Variants in EXOC6 observed in about 807,000 individuals in gnomAD.
EXOC6 encodes SEC15-like 1.
Under a neutral mutation model 112.5 loss-of-function variants are expected in EXOC6, and 60 were observed. The observed-to-expected ratio is 0.53, with a 90% CI of 0.43 to 0.66. The LOEUF (loss-of-function observed/expected upper bound fraction) is 0.66. Ranked by LOEUF, EXOC6 falls within the 30% of genes least tolerant of loss-of-function variation. The pLI, the probability that EXOC6 is intolerant of heterozygous loss-of-function variation, is 0.00. For synonymous variants in EXOC6, 295 were observed against 308.0 expected (o/e 0.96, Z 0.44); for missense variants, 855 against 957.1 (o/e 0.89, Z 1.41).
intron 18 of EXOC6, among the ~76,000 whole-genome samples, chr10:92,996,224 A>G (rs1457811668): frequency 6.6e-6 from 1 of 152,236 alleles, no homozygotes; most frequent in East Asian, 1.9e-4. Context: ...ATCCTATCAT[A>G]GTAGTCATTC....
rs115970431 is a variant in EXOC6, at chr10:92,921,217, T to C, written c.888+1167T>C. 5.3e-3 allele frequency among the ~76,000 whole-genome samples: 804 copies of C among 151,920 alleles called. 6 individuals are homozygous for C. Among genetic ancestry groups the C allele is most frequent in the African/African-American group, 0.016 (660 of 41,392 alleles). On this transcript the variant is annotated intron_variant, in intron 8 of 21. Transcript: ENST00000260762. ...TGTGCATTAAATAGATATTTTCTTA[T>C]GTACCATTTCATTTCCTTTGTCATT... is the stretch of plus-strand genomic sequence containing the variant.
chr10:92,875,787 C>T (rs761430406), intron 1 of EXOC6, among the ~76,000 whole-genome samples: 1 of 151,872 alleles, frequency 6.6e-6, no homozygotes, highest in African/African-American at 2.4e-5. Flanking sequence ...TTATGTTATT[C>T]AACATATTAA....
At position 93,056,913 on chromosome 10, in the gene EXOC6, A is replaced by G; in HGVS notation, c.2170-11A>G. On this transcript the variant is annotated splice_polypyrimidine_tract_variant and intron_variant, in intron 20 of 21. Transcript: ENST00000260762. ...CAAAAGTTGATTTAACATTTCCCCC[A>G]TCTTTCGCAGCTCCTTGACCTGTTT... is the stretch of plus-strand genomic sequence containing the variant. 6.7e-7 allele frequency: 1 copy of G among 1,493,768 alleles called. No individual in the cohort carries two copies. The highest frequency in any genetic ancestry group is 9.2e-7 in the Non-Finnish European group (1 of 1,082,066). 92.5% of individuals were successfully genotyped at this position (1,493,768 alleles called of 1,614,324 possible).
At chr10:92,980,113 A>C (rs530688441) in intron 18 of EXOC6, among the ~76,000 whole-genome samples, 89 of 152,334 alleles carry the variant, frequency 5.8e-4, no homozygotes, top group African/African-American at 2.1e-3. Context: ...AATTAGAATA[A>C]TAAAAAGGCA....
At chr10:93,030,847 TTATTA>T (rs1416815788) in intron 20 of EXOC6, among the ~76,000 whole-genome samples, 1 of 152,182 alleles carries the variant, frequency 6.6e-6, no homozygotes, top group Admixed American at 6.5e-5. Context: ...TCTCATAGTA[TTATTA>T]ACAAAAAAGA....
chr10:92,863,007 A>G (rs571105023), intron 1 of EXOC6, among the ~76,000 whole-genome samples: 1 of 152,350 alleles, frequency 6.6e-6, no homozygotes, highest in African/African-American at 2.4e-5. Flanking sequence ...TGAAGATACA[A>G]GCTCGACTTA....
chr10:92,913,534 G>A (rs1167991576), intron 6 of EXOC6, among the ~76,000 whole-genome samples: 1 of 152,080 alleles, frequency 6.6e-6, no homozygotes, highest in African/African-American at 2.4e-5. Context: ...GAATATACTA[G>A]GTGTTCACCA....
chr10:92,864,211 C>T (rs571369200), intron 1 of EXOC6, among the ~76,000 whole-genome samples: 8 of 152,224 alleles, frequency 5.3e-5, no homozygotes, highest in African/African-American at 1.7e-4. Flanking sequence ...AGTAACCTTT[C>T]GTATTGTAGG....
chr10:92,896,169 ATATATATATATATTTTTTTTT>A (rs1849788772), intron 4 of EXOC6, among the ~76,000 whole-genome samples: 6 of 24,592 alleles, frequency 2.4e-4, no homozygotes, highest in African/African-American at 1.2e-3. Context: ...ATATATATAT[ATATATATATATATTTTTTTTT>A]TTTTTTTTTT....
intron 1 of EXOC6, among the ~76,000 whole-genome samples, chr10:92,839,617 C>G (rs2490737): frequency 6.6e-6 from 1 of 152,230 alleles, no homozygotes; most frequent in Non-Finnish European, 1.5e-5. Flanking sequence ...ACCTGCTCCC[C>G]TGGATACTGA....
intron 14 of EXOC6, among the ~76,000 whole-genome samples, chr10:92,950,989 G>A (rs1444551132): frequency 1.3e-5 from 2 of 152,134 alleles, no homozygotes; most frequent in Non-Finnish European, 2.9e-5. Context: ...CTGATTATGT[G>A]CATATGAGGG....
At chr10:92,890,443 G>A (rs1849439571) in intron 1 of EXOC6, among the ~76,000 whole-genome samples, 1 of 152,088 alleles carries the variant, frequency 6.6e-6, no homozygotes, top group Admixed American at 6.6e-5. Context: ...TCTGTTATAT[G>A]ATAGACACTA....
At chr10:92,980,537 A>G (rs1471192186) in intron 18 of EXOC6, among the ~76,000 whole-genome samples, 1 of 151,754 alleles carries the variant, frequency 6.6e-6, no homozygotes, top group Non-Finnish European at 1.5e-5. Context: ...TTTAAACTTG[A>G]TATTAGTTTT....
intron 20 of EXOC6, among the ~76,000 whole-genome samples, chr10:93,036,015 G>A (rs868682263): frequency 5.3e-5 from 8 of 152,310 alleles, no homozygotes; most frequent in African/African-American, 1.7e-4. Flanking sequence ...AAGGTCGGGA[G>A]TTCAAGACCA....
chr10:92,987,764 A>C, intron 18 of EXOC6: 1 of 390,208 alleles, frequency 2.6e-6, no homozygotes, highest in Non-Finnish European at 3.5e-6. Flanking sequence ...ATCCTTGATA[A>C]ATTTTTAGTT....
At chr10:92,910,383 CTGTG>C (rs939024432) in intron 6 of EXOC6, among the ~76,000 whole-genome samples, 1 of 152,208 alleles carries the variant, frequency 6.6e-6, no homozygotes, top group African/African-American at 2.4e-5. Context: ...AAGGCACAAA[CTGTG>C]TGATTCCATT....
intron 1 of EXOC6, among the ~76,000 whole-genome samples, chr10:92,850,239 A>T (rs75538720): frequency 0.011 from 1,718 of 152,306 alleles, 19 homozygotes; most frequent in Non-Finnish European, 0.017. Flanking sequence ...TAGAAGAAAA[A>T]TTTGAAATAT....
intron 1 of EXOC6, among the ~76,000 whole-genome samples, chr10:92,882,978 G>A (rs778190466): frequency 6.6e-6 from 1 of 152,132 alleles, no homozygotes; most frequent in Non-Finnish European, 1.5e-5. Flanking sequence ...CATACGAGAG[G>A]CACAGAAAAC....
intron 20 of EXOC6, among the ~76,000 whole-genome samples, chr10:93,041,249 C>T (rs1166357483): frequency 1.3e-5 from 2 of 151,882 alleles, no homozygotes; most frequent in Non-Finnish European, 2.9e-5. Flanking sequence ...ATCATTTTCT[C>T]TCTATCCCAA....
Sources: gnomAD v4.1 joint callset for allele counts (sites outside exome capture counted in the v4.1 genomes callset) on GRCh38, gnomAD v4.1.1 for gene constraint, MANE v1.5 for transcripts, NCBI Gene and HGNC (gene_info 2026-07-23, HGNC 2026-07-21) for gene names.